SOX5: variants seen among roughly 807,000 people sequenced by gnomAD.
SOX5 encodes the protein transcription factor SOX-5.
Under a neutral mutation model 92.0 loss-of-function variants are expected in SOX5, and 9 were observed. That is an observed-to-expected ratio of 0.10 (90% CI 0.06 to 0.17). The LOEUF (loss-of-function observed/expected upper bound fraction) is 0.17, where lower values mean the gene tolerates loss of function less well. SOX5 is among the 10% of genes least tolerant of loss of function. SOX5 has a pLI of 1.00. For synonymous variants in SOX5, 344 were observed against 336.3 expected, an observed-to-expected ratio of 1.02 and a Z score of -0.25; for missense variants, 642 against 944.5, an observed-to-expected ratio of 0.68 and a Z score of 4.20.
chr12:24,519,140 CA>C (rs1407284995), intron 1 of SOX5, among the ~76,000 whole-genome samples: 1 of 152,040 alleles, frequency 6.6e-6, no homozygotes, highest in Non-Finnish European at 1.5e-5. Context: ...CTCATTAAAT[CA>C]TTGTACAATT....
chr12:24,511,665 T>A (rs1243321204), intron 1 of SOX5, among the ~76,000 whole-genome samples: 4 of 152,132 alleles, frequency 2.6e-5, no homozygotes, highest in East Asian at 1.9e-4. Flanking sequence ...TTATTTTTTT[T>A]AAAGTTTTTG....
At chr12:24,131,673 GC>G (rs1394739221) in intron 4 of SOX5, among the ~76,000 whole-genome samples, 5 of 152,272 alleles carry the variant, frequency 3.3e-5, no homozygotes, top group Middle Eastern at 3.4e-3. Flanking sequence ...GATGATTTTA[GC>G]TCTGCAGCTG....
chr12:24,062,278 A>G (rs1939874110), intron 4 of SOX5, among the ~76,000 whole-genome samples: 1 of 152,228 alleles, frequency 6.6e-6, no homozygotes, highest in South Asian at 2.1e-4. Flanking sequence ...CATGACTAGA[A>G]TAAAGCTTAA....
At chr12:23,646,829 T>C (rs1382548069) in intron 7 of SOX5, among the ~76,000 whole-genome samples, 1 of 152,220 alleles carries the variant, frequency 6.6e-6, no homozygotes, top group Admixed American at 6.5e-5. Context: ...CTAGTTCTAC[T>C]GCTATTTCCA....
At chr12:24,080,504 G>C (rs575147651) in intron 4 of SOX5, among the ~76,000 whole-genome samples, 3 of 152,062 alleles carry the variant, frequency 2.0e-5, no homozygotes, top group Admixed American at 2.0e-4. Context: ...TTTAATTTTT[G>C]TGTGCATTTA....
At position 23,530,004 on chromosome 12, in the gene SOX5, T is replaced by C. The variant is rs1289309679; in HGVS notation, c.*4215A>G. On this transcript the variant is annotated 3_prime_UTR_variant, in exon 15 of 15. Transcript: ENST00000451604. The stretch of plus-strand genomic sequence containing the variant: ...GGGAGGACAGGAATCAATCAATCAG[T>C]AGGAAACTCAACACATCGTCTTCAA... 2.0e-5 allele frequency: 3 copies of C among 152,130 alleles called. No homozygotes were observed. The highest frequency in any genetic ancestry group is 4.4e-5 in the Non-Finnish European group (3 of 68,030). 9.4% of individuals were successfully genotyped at this position (152,130 alleles called of 1,614,324 possible).
intron 1 of SOX5, among the ~76,000 whole-genome samples, chr12:24,505,829 ATGTGTG>A (rs35993008): frequency 4.0e-5 from 5 of 124,668 alleles, no homozygotes; most frequent in Non-Finnish European, 8.4e-5. Flanking sequence ...AAGGCTTGGT[ATGTGTG>A]TGTGTGTGTG....
intron 4 of SOX5, among the ~76,000 whole-genome samples, chr12:24,077,909 C>T (rs998441590): frequency 2.0e-5 from 3 of 149,656 alleles, no homozygotes; most frequent in African/African-American, 4.9e-5. Context: ...AATACATAAG[C>T]TTTGAGAAGC....
intron 10 of SOX5, among the ~76,000 whole-genome samples, chr12:23,566,499 C>T (rs1328070363): frequency 6.6e-6 from 1 of 152,178 alleles, no homozygotes; most frequent in Non-Finnish European, 1.5e-5. Context: ...TCACTGCCTC[C>T]TCTGTGTTGG....
chr12:24,326,235 C>A (rs1176402506), intron 2 of SOX5, among the ~76,000 whole-genome samples: 1 of 152,046 alleles, frequency 6.6e-6, no homozygotes, highest in African/African-American at 2.4e-5. Flanking sequence ...CATGCCATTC[C>A]TTATATATCT....
At chr12:23,773,937 C>G (rs901842503) in intron 3 of SOX5, among the ~76,000 whole-genome samples, 3 of 151,956 alleles carry the variant, frequency 2.0e-5, no homozygotes, top group African/African-American at 7.3e-5. Context: ...CAGAGTCAGT[C>G]AAAACCAGGT....
chr12:23,722,944 A>G (rs1209123326), intron 6 of SOX5, among the ~76,000 whole-genome samples: 4 of 152,146 alleles, frequency 2.6e-5, no homozygotes, highest in Non-Finnish European at 4.4e-5. Flanking sequence ...TAGTCATTCA[A>G]TTTTAAAGCA....
At chr12:23,726,024 T>C (rs2093093108) in intron 6 of SOX5, among the ~76,000 whole-genome samples, 1 of 152,080 alleles carries the variant, frequency 6.6e-6, no homozygotes, top group South Asian at 2.1e-4. Flanking sequence ...GGCACACAGG[T>C]GTCCTTAATT....
chr12:23,799,450 G>T (rs2095623240), intron 3 of SOX5, among the ~76,000 whole-genome samples: 2 of 151,968 alleles, frequency 1.3e-5, no homozygotes, highest in African/African-American at 2.4e-5. Flanking sequence ...TGTGTTTCGG[G>T]ACAAAAATAT....
chr12:24,212,340 C>G (rs1194262967), intron 4 of SOX5: 2 of 510,854 alleles, frequency 3.9e-6, no homozygotes, highest in East Asian at 1.1e-4. Flanking sequence ...AGGAGTAAGT[C>G]ATTTTAATTG....
At chr12:24,238,503 C>T (rs1429142540) in intron 3 of SOX5, among the ~76,000 whole-genome samples, 2 of 152,110 alleles carry the variant, frequency 1.3e-5, no homozygotes, top group South Asian at 2.1e-4. Flanking sequence ...AAGCACATGC[C>T]GCCAATGTCC....
intron 3 of SOX5, among the ~76,000 whole-genome samples, chr12:23,800,338 G>C (rs1367605724): frequency 1.3e-5 from 2 of 152,142 alleles, no homozygotes; most frequent in East Asian, 3.9e-4. Context: ...ACCCTGATAA[G>C]GTTTGCACAA....
intron 8 of SOX5, among the ~76,000 whole-genome samples, chr12:23,617,977 C>T (rs2076767008): frequency 6.6e-6 from 1 of 152,114 alleles, no homozygotes; most frequent in African/African-American, 2.4e-5. Flanking sequence ...ATCTGCCTCC[C>T]CATATGATGT....
intron 1 of SOX5, among the ~76,000 whole-genome samples, chr12:24,544,097 C>A (rs916459603): frequency 6.6e-6 from 1 of 152,200 alleles, no homozygotes; most frequent in Non-Finnish European, 1.5e-5. Flanking sequence ...TTAAAGCAAC[C>A]AGTATCTCAT....
Sources: allele counts gnomAD v4.1 joint callset (sites outside exome capture counted in the v4.1 genomes callset), GRCh38; gene constraint gnomAD v4.1.1; transcripts MANE v1.5; gene names NCBI Gene and HGNC (gene_info 2026-07-23, HGNC 2026-07-21).